The following AKAP7 variants were observed in gnomAD, a reference collection of about 807,000 sequenced individuals.
The protein encoded by AKAP7 is A kinase (PRKA) anchor protein 7.
AKAP7 carries 39 observed loss-of-function variants against 39.5 expected under a neutral mutation model. The ratio of observed to expected loss-of-function variants is 0.99; its 90% CI spans 0.76 to 1.29. The LOEUF is 1.29. Among genes scored for constraint, AKAP7 ranks in the 50% most tolerant of loss-of-function variants. The probability of loss-of-function intolerance (pLI) is 0.00; values close to 1 mark genes in which losing one functional copy is unlikely to be tolerated. For synonymous variants in AKAP7, 140 were observed against 139.1 expected, an observed-to-expected ratio of 1.01 and a Z score of -0.05; for missense variants, 414 against 407.7, an observed-to-expected ratio of 1.02 and a Z score of -0.13.
intron 6 of AKAP7, among the ~76,000 whole-genome samples, chr6:131,217,622 A>G (rs1809303269): frequency 6.6e-6 from 1 of 152,198 alleles, no homozygotes. Flanking sequence ...AGTAAAAATT[A>G]ACTCCTAAAG....
rs148423523 is a variant in AKAP7, at chr6:131,240,141, T to C, written c.850+20333T>C. Among the ~76,000 whole-genome samples, 1,116 of 152,384 alleles carry C rather than the reference T, an allele frequency of 7.3e-3. 11 individuals are homozygous for C. Among genetic ancestry groups the C allele is most frequent in the African/African-American group, 0.026 (1,074 of 41,598 alleles). ...CCATCTAACAGTCAGGATCCTCAGCTGCAGGTCTGTTGGAGTTTGCTGGAG... is the reference window on the plus strand; with the variant it reads ...CCATCTAACAGTCAGGATCCTCAGCCGCAGGTCTGTTGGAGTTTGCTGGAG... On this transcript the variant is annotated intron_variant, in intron 7 of 7. Transcript: ENST00000431975.
At chr6:131,150,172 C>A (rs530448146) in intron 2 of AKAP7, among the ~76,000 whole-genome samples, 60 of 152,194 alleles carry the variant, frequency 3.9e-4, no homozygotes, top group African/African-American at 1.3e-3. Flanking sequence ...TGTGTCATGT[C>A]TTCCCTAAAT....
chr6:131,237,956 T>C lies in AKAP7; in HGVS notation c.850+18148T>C, dbSNP rs187408602. On this transcript the variant is annotated intron_variant, in intron 7 of 7. Coordinates refer to ENST00000431975, the MANE Select transcript of AKAP7 (RefSeq NM_016377.4). Reference sequence around the variant, plus strand: ...TTCTTGCCTTCTGCTAGCTTTTGAATGTGTTTGCTCTCGATTCTCTAGTTC... The same window carrying C: ...TTCTTGCCTTCTGCTAGCTTTTGAACGTGTTTGCTCTCGATTCTCTAGTTC... 3.4e-3 allele frequency among the ~76,000 whole-genome samples: 517 copies of C among 152,322 alleles called. 3 individuals are homozygous for C. The highest frequency in any genetic ancestry group is 9.3e-3 in the African/African-American group (385 of 41,570).
intron 7 of AKAP7, among the ~76,000 whole-genome samples, chr6:131,238,820 T>G (rs1811295742): frequency 6.6e-6 from 1 of 152,208 alleles, no homozygotes; most frequent in Admixed American, 6.5e-5. Flanking sequence ...TGAGATGGGT[T>G]TTCTGAATAC....
chr6:131,196,123 C>T (rs953242734), intron 5 of AKAP7, among the ~76,000 whole-genome samples: 1 of 151,960 alleles, frequency 6.6e-6, no homozygotes, highest in Admixed American at 6.6e-5. Context: ...TGTAGGTGGG[C>T]TTCATTGTTT....
intron 4 of AKAP7, among the ~76,000 whole-genome samples, chr6:131,168,233 G>A (rs1483120332): frequency 6.6e-6 from 1 of 151,846 alleles, no homozygotes; most frequent in Non-Finnish European, 1.5e-5. Flanking sequence ...ACAGCATAGG[G>A]GGACCTCTCT....
rs1193509451 is a variant in AKAP7 at position 131,135,619 on chromosome 6, C to G, written c.-145C>G. 1.4e-6 allele frequency: 1 copy of G among 724,546 alleles called. No homozygotes were observed. The highest frequency in any genetic ancestry group is 6.2e-5 in the Admixed American group (1 of 16,106). 44.9% of individuals were successfully genotyped at this position (724,546 alleles called of 1,614,324 possible). ...CCGCCCGGGCCCCCGCAGCCTGTCG[C>G]TGGACCCCGCGCCGGCCCAGCGCAC... On this transcript the variant is annotated 5_prime_UTR_variant, in exon 1 of 8. Transcript: ENST00000431975.
intron 2 of AKAP7, among the ~76,000 whole-genome samples, chr6:131,146,750 G>C (rs1801519733): frequency 6.6e-6 from 1 of 152,144 alleles, no homozygotes; most frequent in Non-Finnish European, 1.5e-5. Context: ...TTTGAGAAAA[G>C]AAAACTGACT....
chr6:131,173,033 G>C (rs545956949), intron 5 of AKAP7, among the ~76,000 whole-genome samples: 6 of 151,862 alleles, frequency 4.0e-5, no homozygotes, highest in Non-Finnish European at 7.4e-5. Flanking sequence ...GTGAAACCCC[G>C]TCTCTATTAA....
At chr6:131,225,749 CAT>C (rs2128302153) in intron 7 of AKAP7, among the ~76,000 whole-genome samples, 1 of 152,190 alleles carries the variant, frequency 6.6e-6, no homozygotes, top group Non-Finnish European at 1.5e-5. Context: ...AGGAGAAACT[CAT>C]AAATCCAGTT....
intron 5 of AKAP7, among the ~76,000 whole-genome samples, chr6:131,194,565 A>C (rs1806731751): frequency 6.6e-6 from 1 of 152,088 alleles, no homozygotes; most frequent in African/African-American, 2.4e-5. Flanking sequence ...AGTGCAGATT[A>C]AGTCTGAGGT....
At chr6:131,225,862 C>T (rs539897978) in intron 7 of AKAP7, among the ~76,000 whole-genome samples, 1 of 152,328 alleles carries the variant, frequency 6.6e-6, no homozygotes, top group East Asian at 1.9e-4. Context: ...ATTTCTTTTA[C>T]ACCCCATCAC....
In AKAP7 at chr6:131,236,597, G is replaced by T. The variant is rs556036878; in HGVS notation, c.850+16789G>T. On this transcript the variant is annotated intron_variant, in intron 7 of 7. Transcript: ENST00000431975. The stretch of plus-strand genomic sequence containing the variant: ...TTATTTCGTTGAGCAGTAGTTTGTA[G>T]TTCTCCTTGAAGAGGTCCTTCATGT... 6.6e-5 allele frequency among the ~76,000 whole-genome samples: 10 copies of T among 152,234 alleles called. No individual in the cohort carries two copies. The East Asian group carries it at 1.9e-3, about 29-fold the overall frequency.
Position 131,187,304 on chromosome 6 carries a change from A to G in AKAP7, c.590-12157A>G, listed in dbSNP as rs73633669. Reference sequence around the variant, plus strand: ...TGTATTTTCTTTAATTTCTTTTAGCAATGTTTCATAGTTTTCAGAATATGC... The same window carrying G: ...TGTATTTTCTTTAATTTCTTTTAGCGATGTTTCATAGTTTTCAGAATATGC... On this transcript the variant is annotated intron_variant, in intron 5 of 7. Transcript: ENST00000431975. Among the ~76,000 whole-genome samples the G allele has an allele frequency of 6.1e-3, 928 of 152,178 alleles. 14 individuals carry two copies. Among genetic ancestry groups the G allele is most frequent in the African/African-American group, 0.022 (894 of 41,546 alleles).
intron 7 of AKAP7, among the ~76,000 whole-genome samples, chr6:131,267,350 G>A (rs1390651707): frequency 6.6e-6 from 1 of 152,242 alleles, no homozygotes; most frequent in South Asian, 2.1e-4. Flanking sequence ...TTCTGAGACC[G>A]AAGCTTACAT....
intron 7 of AKAP7, among the ~76,000 whole-genome samples, chr6:131,244,066 A>G (rs186439164): frequency 6.6e-6 from 1 of 150,674 alleles, no homozygotes; most frequent in Admixed American, 6.6e-5. Context: ...GAAGTAACTC[A>G]TGTCAGTTTT....
At chr6:131,160,509 A>G (rs1802845231) in intron 3 of AKAP7, among the ~76,000 whole-genome samples, 1 of 152,228 alleles carries the variant, frequency 6.6e-6, no homozygotes, top group Non-Finnish European at 1.5e-5. Flanking sequence ...CTCCAAAAAT[A>G]TTTAGACAAT....
At chr6:131,222,414 C>T (rs973591630) in intron 7 of AKAP7, among the ~76,000 whole-genome samples, 4 of 152,030 alleles carry the variant, frequency 2.6e-5, no homozygotes, top group Admixed American at 2.6e-4. Context: ...GTAGTCCCAG[C>T]TACTCGGGAG....
intron 6 of AKAP7, among the ~76,000 whole-genome samples, chr6:131,201,388 A>G (rs1483639699): frequency 6.6e-6 from 1 of 152,232 alleles, no homozygotes; most frequent in African/African-American, 2.4e-5. Flanking sequence ...AATCTAAATC[A>G]GATTGCATTT....
Sources: gnomAD v4.1 joint callset for allele counts (sites outside exome capture counted in the v4.1 genomes callset) on GRCh38, gnomAD v4.1.1 for gene constraint, MANE v1.5 for transcripts, NCBI Gene and HGNC (gene_info 2026-07-23, HGNC 2026-07-21) for gene names.